NOX3: variants seen among roughly 807,000 people sequenced by gnomAD.
The protein encoded by NOX3 is NADPH oxidase catalytic subunit-like 3.
In NOX3, 74 loss-of-function variants were observed where a neutral mutation model predicts 76.7. The ratio of observed to expected loss-of-function variants is 0.96; its 90% CI spans 0.80 to 1.17. NOX3 has a LOEUF of 1.17. Among genes scored for constraint, NOX3 ranks in the 50% most tolerant of loss-of-function variants. NOX3 has a pLI of 0.00. For missense variants in NOX3, 695 were observed against 703.3 expected (o/e 0.99, Z 0.13); for synonymous variants, 263 against 261.1 (o/e 1.01, Z -0.07).
At chr6:155,409,838 T>C (rs978053640) in intron 11 of NOX3, among the ~76,000 whole-genome samples, 1 of 152,194 alleles carries the variant, frequency 6.6e-6, no homozygotes, top group African/African-American at 2.4e-5. Context: ...TTTTATAGCA[T>C]ATTCTTGGAA....
intron 11 of NOX3, 100 bp from the exon 12 acceptor site, chr6:155,407,354 A>G (rs1466434723): frequency 8.6e-7 from 1 of 1,169,316 alleles, no homozygotes; most frequent in Non-Finnish European, 1.2e-6. Flanking sequence ...GATTTAATTA[A>G]AAATGTGTAC....
intron 12 of NOX3, among the ~76,000 whole-genome samples, chr6:155,398,421 A>G (rs1355469913): frequency 2.0e-5 from 3 of 152,198 alleles, no homozygotes; most frequent in Non-Finnish European, 4.4e-5. Context: ...TTCTTAGCTC[A>G]TATGTTAACA....
chr6:155,450,069 G>A (rs1459397699), intron 4 of NOX3, among the ~76,000 whole-genome samples: 2 of 152,240 alleles, frequency 1.3e-5, no homozygotes, highest in East Asian at 1.9e-4. Context: ...TTTGCAGGGA[G>A]TGGAAACACC....
chr6:155,440,432 T>C (rs753162651), intron 5 of NOX3, among the ~76,000 whole-genome samples: 8 of 151,244 alleles, frequency 5.3e-5, no homozygotes, highest in Non-Finnish European at 1.0e-4. Context: ...TTTGTATATA[T>C]CATTTCACAT....
At chr6:155,429,076 T>G in intron 8 of NOX3, 29 bp from the exon 9 acceptor site, 1 of 1,499,302 alleles carries the variant, frequency 6.7e-7, no homozygotes, top group South Asian at 1.4e-5. Flanking sequence ...GTTGTTTGCC[T>G]TTGTCCTCGA....
chr6:155,426,999 G>GTGTGTGTA (rs1554263757), intron 9 of NOX3, among the ~76,000 whole-genome samples: 67 of 119,792 alleles, frequency 5.6e-4, no homozygotes, highest in Non-Finnish European at 9.6e-4. Context: ...GTGTGTGTGT[G>GTGTGTGTA]TGTGTGTGTG....
chr6:155,451,304 A>G (rs1044488032), intron 4 of NOX3, among the ~76,000 whole-genome samples: 1 of 152,070 alleles, frequency 6.6e-6, no homozygotes, highest in African/African-American at 2.4e-5. Context: ...TTAACTCCAC[A>G]GAAGAAAGAG....
chr6:155,430,006 C>A (rs559899101), intron 8 of NOX3, among the ~76,000 whole-genome samples: 1 of 152,260 alleles, frequency 6.6e-6, no homozygotes, highest in Admixed American at 6.5e-5. Flanking sequence ...TTAAAAACAG[C>A]AACACAGAAA....
intron 10 of NOX3, among the ~76,000 whole-genome samples, chr6:155,419,933 C>T (rs1017648471): frequency 1.1e-4 from 16 of 151,858 alleles, no homozygotes; most frequent in South Asian, 8.3e-4. Flanking sequence ...GTACAGAAGC[C>T]ATTGTTTATT....
intron 7 of NOX3, among the ~76,000 whole-genome samples, chr6:155,433,211 A>T (rs1389015166): frequency 1.3e-5 from 2 of 152,200 alleles, no homozygotes; most frequent in African/African-American, 4.8e-5. Flanking sequence ...CCCCGACTCC[A>T]TCTCAATCTT....
chr6:155,411,406 T>C (rs942767298), intron 10 of NOX3, 46 bp from the exon 11 acceptor site: 2 of 1,553,242 alleles, frequency 1.3e-6, no homozygotes, highest in Admixed American at 1.9e-5. Flanking sequence ...TCTTTTCATA[T>C]GTGCTGATAA....
chr6:155,414,917 C>T (rs1030769130), intron 10 of NOX3, among the ~76,000 whole-genome samples: 3 of 152,118 alleles, frequency 2.0e-5, no homozygotes, highest in Admixed American at 6.5e-5. Context: ...CATGAGCCAT[C>T]GTGCCCAGCC....
chr6:155,432,805 C>T (rs1483779346), intron 7 of NOX3, among the ~76,000 whole-genome samples: 2 of 152,114 alleles, frequency 1.3e-5, no homozygotes, highest in East Asian at 1.9e-4. Flanking sequence ...CTTTTGTCCC[C>T]CTATGCTGTG....
At chr6:155,454,284 G>T (rs1334160083) in intron 3 of NOX3, among the ~76,000 whole-genome samples, 1 of 152,188 alleles carries the variant, frequency 6.6e-6, no homozygotes, top group African/African-American at 2.4e-5. Context: ...CCTGGTAAAA[G>T]TTTTTGAAGG....
chr6:155,418,633 A>G (rs1776650549), intron 10 of NOX3, among the ~76,000 whole-genome samples: 1 of 151,594 alleles, frequency 6.6e-6, no homozygotes, highest in East Asian at 1.9e-4. Flanking sequence ...AGAAACAAAG[A>G]TATTTTAAGA....
chr6:155,422,465 G>A (rs1329153995), intron 10 of NOX3, among the ~76,000 whole-genome samples: 8 of 152,162 alleles, frequency 5.3e-5, no homozygotes, highest in African/African-American at 1.7e-4. Context: ...TCCTGTAATG[G>A]CAATGAAGCA....
At chr6:155,454,664 G>A in intron 3 of NOX3, 147 bp downstream of exon 3, 2 of 581,690 alleles carry the variant, frequency 3.4e-6, no homozygotes, top group South Asian at 2.4e-5. Context: ...CCGTTTTTCT[G>A]TCTTAGCCTT....
chr6:155,408,148 T>A (rs1187133553), intron 11 of NOX3, among the ~76,000 whole-genome samples: 1 of 152,086 alleles, frequency 6.6e-6, no homozygotes, highest in Non-Finnish European at 1.5e-5. Context: ...TTGGCTAATT[T>A]TTTTTGTGTG....
intron 8 of NOX3, among the ~76,000 whole-genome samples, chr6:155,430,268 G>A (rs568628013): frequency 2.6e-5 from 4 of 152,182 alleles, no homozygotes; most frequent in South Asian, 4.2e-4. Flanking sequence ...TTGTGAGGAC[G>A]TAGAGATGTG....
Sources: gnomAD v4.1 joint callset for allele counts (sites outside exome capture counted in the v4.1 genomes callset) on GRCh38, gnomAD v4.1.1 for gene constraint, MANE v1.5 for transcripts, NCBI Gene and HGNC (gene_info 2026-07-23, HGNC 2026-07-21) for gene names.